The following EIF3H variants were observed in gnomAD, a reference collection of about 807,000 sequenced individuals.
EIF3H encodes the protein eIF-3-gamma.
In EIF3H, 26 loss-of-function variants were observed where a neutral mutation model predicts 44.2. The ratio of observed to expected loss-of-function variants is 0.59; its 90% CI spans 0.43 to 0.82. EIF3H has a LOEUF of 0.82. EIF3H is among the 40% of genes least tolerant of loss of function. The pLI is 0.00. For synonymous variants in EIF3H, 166 were observed against 151.9 expected, an observed-to-expected ratio of 1.09 and a Z score of -0.68; for missense variants, 359 against 432.8, an observed-to-expected ratio of 0.83 and a Z score of 1.51.
chr8:116,737,173 G>A (rs529062620), intron 1 of EIF3H: 26 of 412,060 alleles, frequency 6.3e-5, no homozygotes, highest in African/African-American at 4.4e-4. Flanking sequence ...CTCAAAGTGT[G>A]CAAGCCCTAA....
chr8:116,747,443 T>C (rs1161091208), intron 1 of EIF3H, among the ~76,000 whole-genome samples: 1 of 152,150 alleles, frequency 6.6e-6, no homozygotes, highest in East Asian at 1.9e-4. Context: ...CAGCAGAAAA[T>C]TATGTATTAC....
chr8:116,658,648 A>G (rs1813532206), intron 3 of EIF3H, 165 bp downstream of exon 3: 1 of 581,212 alleles, frequency 1.7e-6, no homozygotes, highest in Non-Finnish European at 2.8e-6. Context: ...AAACAGAAAG[A>G]AGGAAACCCT....
At chr8:116,645,124 T>G (rs888239211) in intron 7 of EIF3H, 21 bp from the exon 8 acceptor site, 5 of 1,578,932 alleles carry the variant, frequency 3.2e-6, no homozygotes, top group Non-Finnish European at 3.5e-6. Flanking sequence ...GAGAAAGAGA[T>G]AGAGCCATAA....
intron 2 of EIF3H, among the ~76,000 whole-genome samples, chr8:116,667,313 G>C (rs1813686252): frequency 6.6e-6 from 1 of 152,020 alleles, no homozygotes; most frequent in Non-Finnish European, 1.5e-5. Flanking sequence ...TTCATGTGGG[G>C]CTTCAATGAA....
chr8:116,711,132 G>T (rs1316959412), intron 2 of EIF3H, among the ~76,000 whole-genome samples: 1 of 152,090 alleles, frequency 6.6e-6, no homozygotes, highest in Non-Finnish European at 1.5e-5. Flanking sequence ...AGAAGATGAG[G>T]AGACAATTTA....
Position 116,715,819 on chromosome 8 carries a change from A to C in EIF3H, c.289+10197T>G, listed in dbSNP as rs184706006. Among the ~76,000 whole-genome samples, 10 of 152,232 alleles carry C rather than the reference A, an allele frequency of 6.6e-5. No individual in the cohort carries two copies. In the East Asian group the frequency reaches 1.9e-3, roughly 29 times the overall value. On this transcript the variant is annotated intron_variant, in intron 2 of 7. Transcript: ENST00000521861. ...AAGCCTTGGGTTGCACGTTTGAGAA[A>C]ACAAATTAGTCTCCAGTTCTGCTAA...
chr8:116,663,555 A>T lies in EIF3H; in HGVS notation c.290-4575T>A, dbSNP rs558893426. ...ATGTTTAAGAGAAGGACTTAGTAGAAAAGAACCTTTTAGGCATTCTTAGTA... is the reference window on the plus strand; with the variant it reads ...ATGTTTAAGAGAAGGACTTAGTAGATAAGAACCTTTTAGGCATTCTTAGTA... On this transcript the variant is annotated intron_variant, in intron 2 of 7. Transcript: ENST00000521861. 4.1e-4 allele frequency among the ~76,000 whole-genome samples: 63 copies of T among 152,308 alleles called. 1 individual carries two copies. In the South Asian group the frequency reaches 0.012, roughly 29 times the overall value.
intron 2 of EIF3H, among the ~76,000 whole-genome samples, chr8:116,702,095 G>A (rs1814386711): frequency 6.6e-6 from 1 of 152,146 alleles, no homozygotes; most frequent in Non-Finnish European, 1.5e-5. Context: ...GTCAGCACCA[G>A]GGGTTACGTG....
intron 2 of EIF3H, among the ~76,000 whole-genome samples, chr8:116,683,047 T>C (rs556965520): frequency 2.0e-5 from 3 of 152,310 alleles, no homozygotes; most frequent in African/African-American, 7.2e-5. Flanking sequence ...AAAATTTCAA[T>C]AGACATCCCT....
chr8:116,669,984 C>T (rs781442867), intron 2 of EIF3H, among the ~76,000 whole-genome samples: 1 of 152,054 alleles, frequency 6.6e-6, no homozygotes, highest in African/African-American at 2.4e-5. Context: ...CAAGCAGAAA[C>T]CTTCATGGCA....
intron 2 of EIF3H, among the ~76,000 whole-genome samples, chr8:116,702,869 T>C (rs180796479): frequency 1.3e-5 from 2 of 152,120 alleles, no homozygotes; most frequent in African/African-American, 2.4e-5. Flanking sequence ...AATTTTTCCA[T>C]AGAAGGTTGT....
At chr8:116,646,855 A>T (rs2130770951) in intron 6 of EIF3H, among the ~76,000 whole-genome samples, 1 of 152,314 alleles carries the variant, frequency 6.6e-6, no homozygotes, top group South Asian at 2.1e-4. Context: ...AAACAAAACT[A>T]GTTATGTAAG....
chr8:116,743,560 A>G (rs923973122), intron 1 of EIF3H, among the ~76,000 whole-genome samples: 1 of 152,028 alleles, frequency 6.6e-6, no homozygotes, highest in African/African-American at 2.4e-5. Context: ...CCTGGTCAAC[A>G]TGGCGAAACC....
At chr8:116,667,314 C>T (rs1252214541) in intron 2 of EIF3H, among the ~76,000 whole-genome samples, 1 of 152,080 alleles carries the variant, frequency 6.6e-6, no homozygotes, top group Admixed American at 6.5e-5. Flanking sequence ...TCATGTGGGG[C>T]TTCAATGAAA....
chr8:116,751,590 T>G (rs993429134), intron 1 of EIF3H, among the ~76,000 whole-genome samples: 1 of 152,176 alleles, frequency 6.6e-6, no homozygotes, highest in African/African-American at 2.4e-5. Flanking sequence ...GAGATGCCTA[T>G]GAGATATCCA....
intron 2 of EIF3H, among the ~76,000 whole-genome samples, chr8:116,722,796 A>G (rs1441711896): frequency 2.6e-5 from 4 of 152,172 alleles, no homozygotes; most frequent in Non-Finnish European, 5.9e-5. Context: ...GTAAATCCAA[A>G]CACACAGTTA....
chr8:116,677,742 CT>C, intron 2 of EIF3H, among the ~76,000 whole-genome samples: 1 of 152,186 alleles, frequency 6.6e-6, no homozygotes, highest in Non-Finnish European at 1.5e-5. Context: ...CAAGGCTAGA[CT>C]TTCTCAGTTA....
At chr8:116,760,693 C>G (rs918208145), upstream of EIF3H, among the ~76,000 whole-genome samples, 1 of 151,888 alleles carries the variant, frequency 6.6e-6, no homozygotes, top group Non-Finnish European at 1.5e-5. Flanking sequence ...TGGTGTAATT[C>G]AATTATAAAT....
chr8:116,671,477 CAGTT>C (rs768548189), intron 2 of EIF3H, among the ~76,000 whole-genome samples: 6 of 152,202 alleles, frequency 3.9e-5, no homozygotes, highest in Non-Finnish European at 5.9e-5. Flanking sequence ...TTATGAGGCT[CAGTT>C]AGACCAACGC....
Sources: allele counts gnomAD v4.1 joint callset (sites outside exome capture counted in the v4.1 genomes callset), GRCh38; gene constraint gnomAD v4.1.1; transcripts MANE v1.5; gene names NCBI Gene and HGNC (gene_info 2026-07-23, HGNC 2026-07-21).